The following KMT2D variants were observed in gnomAD, a reference collection of about 807,000 sequenced individuals.
The protein encoded by KMT2D is histone-lysine N-methyltransferase 2D.
Under a neutral mutation model 512.7 loss-of-function variants are expected in KMT2D, and 55 were observed. The ratio of observed to expected loss-of-function variants is 0.11; its 90% CI spans 0.09 to 0.13. KMT2D has a LOEUF of 0.13. Among genes scored for constraint, KMT2D ranks in the 10% least tolerant of loss-of-function variants. The pLI, the probability that KMT2D is intolerant of heterozygous loss-of-function variation, is 1.00. For synonymous variants in KMT2D, 2,995 were observed against 2,904.0 expected (o/e 1.03, Z -1.01); for missense variants, 6,061 against 7,127.9 (o/e 0.85, Z 5.39).
At position 49,026,208 on chromosome 12, in the gene KMT2D, A is replaced by G. The variant is rs1382079160; in HGVS notation, c.15758T>C (p.Leu5253Pro). The G allele has an allele frequency of 6.3e-7, 1 of 1,591,902 alleles. No homozygotes were observed. Among genetic ancestry groups the G allele is most frequent in the Non-Finnish European group, 8.6e-7 (1 of 1,163,390 alleles). Reference protein sequence around the residue: ...IKVIEQGLEDLVFTDASPQAV... With the variant: ...IKVIEQGLEDPVFTDASPQAV... ...CTGGGGAGAGGCGTCAGTGAAGACC[A>G]GGTCCTCCAGGCCCTGCTCGATGAC... The change falls in exon 49 of 55, where the codon CTG becomes CCG. Residue 5253 changes from leucine to proline, a missense_variant. Physicochemically the swap from Leu to Pro is moderately conservative, Grantham distance 98. This residue lies in a region of KMT2D where 261 missense variants were observed against 440.7 expected (regional missense o/e 0.59). Transcript: ENST00000301067. This position sits in a 1 kb window ranked among gnomAD's most constrained non-coding sequence, Gnocchi z 9.6.
rs2120649165 is a variant in KMT2D at position 49,050,344 on chromosome 12, C to T, written c.3244G>A (p.Glu1082Lys). Residue 1082 changes from glutamate to lysine, a missense_variant, in exon 12 of 55, where the codon GAA becomes AAA. Glu to Lys is a moderately conservative substitution (Grantham distance 56). Coordinates refer to ENST00000301067, the MANE Select transcript of KMT2D (RefSeq NM_003482.4). ...GCACTGGGTTCCAAGGCTGGGCATT[C>T]AGGTTCTGAAACTTTCTCAGTCTCC... Reference protein sequence around the residue: ...EMETEKVSEPECPALEPSATS... With the variant: ...EMETEKVSEPKCPALEPSATS... 1 of 1,611,426 alleles carries T rather than the reference C, an allele frequency of 6.2e-7. No homozygotes were observed. Among genetic ancestry groups the T allele is most frequent in the South Asian group, 1.1e-5 (1 of 90,606 alleles).
Position 49,022,653 on chromosome 12 carries a change from C to T in KMT2D, c.16275G>A (p.Glu5425=), listed in dbSNP as rs752476063. 6.2e-6 allele frequency: 10 copies of T among 1,613,902 alleles called. No individual in the cohort carries two copies. The highest frequency in any genetic ancestry group is 1.7e-5 in the Admixed American group (1 of 60,006). ...KDLEKHTMVI[E]YIGTIIRNEV... ...CGTTCCGAATGATGGTGCCAATGTA[C>T]TCGATAACCATTGTGTGCTTTTCTA... Residue 5425 remains glutamate (E), a synonymous_variant, in exon 52 of 55, where the codon GAG becomes GAA. Coordinates refer to ENST00000301067, the MANE Select transcript of KMT2D (RefSeq NM_003482.4). This position sits in a 1 kb window ranked among gnomAD's most constrained non-coding sequence, Gnocchi z 8.6.
Position 49,060,040 on chromosome 12 carries a change from C to T in KMT2D, c.-465G>A, listed in dbSNP as rs1938648089. On this transcript the variant is annotated 5_prime_UTR_variant, in exon 1 of 55. Coordinates refer to ENST00000301067, the MANE Select transcript of KMT2D (RefSeq NM_003482.4). ...GAACGTCGAGGCGCCTCCCCAGCAG[C>T]CCGGAAGGAATGCCGCGCCGCCCCG... is the stretch of plus-strand genomic sequence containing the variant. Among the ~76,000 whole-genome samples, 1 of 151,724 alleles carries T rather than the reference C, an allele frequency of 6.6e-6. No homozygotes were observed. The highest frequency in any genetic ancestry group is 1.5e-5 in the Non-Finnish European group (1 of 67,808).
Position 49,038,385 on chromosome 12 carries a change from G to C in KMT2D, c.8971C>G (p.Pro2991Ala), listed in dbSNP as rs754421145. The C allele has an allele frequency of 6.2e-7, 1 of 1,613,926 alleles. No individual in the cohort carries two copies. The highest frequency in any genetic ancestry group is 8.5e-7 in the Non-Finnish European group (1 of 1,179,888). The change falls in exon 35 of 55, where the codon CCC (proline) becomes GCC (alanine). Residue 2991 changes from proline to alanine, a missense_variant. Physicochemically the swap from Pro to Ala is conservative, Grantham distance 27. Transcript: ENST00000301067. The surrounding 1 kb of genome is among the most constrained non-coding windows in gnomAD (Gnocchi z 5.7). ...GCATCAAAATCGTCATCCAGCTCGG[G>C]ATCCTCACAGGGCAACTTCCCAGCT... ...LEAGKLPCED[P>A]ELDDDFDAHK...
chr12:49,037,686 C>A lies in KMT2D; in HGVS notation c.9670G>T (p.Gly3224Cys). 6.3e-7 allele frequency: 1 copy of A among 1,585,004 alleles called. No homozygotes were observed. The highest frequency in any genetic ancestry group is 8.6e-7 in the Non-Finnish European group (1 of 1,165,530). The change falls in exon 35 of 55, where the codon GGT becomes TGT. Residue 3224 changes from glycine to cysteine, a missense_variant. Physicochemically the swap from Gly to Cys is radical, Grantham distance 159. Coordinates refer to ENST00000301067, the MANE Select transcript of KMT2D (RefSeq NM_003482.4). ...TCATCCCCAGATGCTGCAGGTCCAC[C>A]AGGCAAGGTCAAAGCCCCACTCTCG... ...ELESGALTLP[G>C]GPAASGDELD...
Position 49,032,089 on chromosome 12 carries a change from C to T in KMT2D, c.12616G>A (p.Ala4206Thr), listed in dbSNP as rs759308837. 6.2e-7 allele frequency: 1 copy of T among 1,613,778 alleles called. No homozygotes were observed. The highest frequency in any genetic ancestry group is 1.3e-5 in the African/African-American group (1 of 75,028). Residue 4206 changes from alanine to threonine, a missense_variant, in exon 40 of 55, where the codon GCC becomes ACC. Transcript: ENST00000301067. ...QLRAQLQGVL[A>T]KNPQLRHLSP... ...AAGTGCCGCAGCTGTGGGTTTTTGG[C>T]CAGGACTCCTTGGAGCTGTGCTCGA...
chr12:49,030,525 C>G, intron 42 of KMT2D, 76 bp downstream of exon 42: 1 of 1,479,180 alleles, frequency 6.8e-7, no homozygotes, highest in Non-Finnish European at 9.1e-7. Context: ...GTCAGCAATT[C>G]CCTCAAGTTT....
chr12:49,039,125 GA>G lies in KMT2D; in HGVS notation c.8366+96del. The G allele has an allele frequency of 1.9e-6, 3 of 1,551,772 alleles. No homozygotes were observed. Among genetic ancestry groups the G allele is most frequent in the Non-Finnish European group, 2.7e-6 (3 of 1,130,222 alleles). ...TGAGGAAGAAGAGAAAGTGATACTGGAAAAGGATTAGTGATACAGGAAAATC... is the reference window on the plus strand; with the variant it reads ...TGAGGAAGAAGAGAAAGTGATACTGGAAAGGATTAGTGATACAGGAAAATC... On this transcript the variant is annotated intron_variant, in intron 34 of 54. Transcript: ENST00000301067. This position sits in a 1 kb window ranked among gnomAD's most constrained non-coding sequence, Gnocchi z 5.0.
chr12:49,038,579 A>G lies in KMT2D; in HGVS notation c.8777T>C (p.Val2926Ala), dbSNP rs1592131525. 6.2e-7 allele frequency: 1 copy of G among 1,612,336 alleles called. No homozygotes were observed. The highest frequency in any genetic ancestry group is 1.1e-5 in the South Asian group (1 of 91,068). The change falls in exon 35 of 55, where the codon GTA becomes GCA. Residue 2926 changes from valine to alanine, a missense_variant. By Grantham distance (64) the Val-to-Ala change is moderately conservative. Transcript: ENST00000301067. The surrounding 1 kb of genome is among the most constrained non-coding windows in gnomAD (Gnocchi z 5.7). ...GGGTTTCTGTGGGGGAAGACCTGAT[A>G]CCGCCAGGCCCCGAAGCCCTTCAGG... is the stretch of plus-strand genomic sequence containing the variant. ...LAPEGLRGLA[V>A]SGLPPQKPSA...
At chr12:49,029,688 T>G (rs1942804575) in intron 43 of KMT2D, among the ~76,000 whole-genome samples, 1 of 151,530 alleles carries the variant, frequency 6.6e-6, no homozygotes, top group Admixed American at 6.6e-5. Flanking sequence ...TTTTTTTTTT[T>G]TTTTTCCCGT....
Position 49,041,426 on chromosome 12 carries a change from C to T in KMT2D, c.6344G>A (p.Ser2115Asn), listed in dbSNP as rs2120546806. The T allele has an allele frequency of 6.2e-7, 1 of 1,610,638 alleles. No individual in the cohort carries two copies. Among genetic ancestry groups the T allele is most frequent in the East Asian group, 2.2e-5 (1 of 44,852 alleles). The change falls in exon 32 of 55, where the codon AGC (serine) becomes AAC (asparagine). Residue 2115 changes from serine (S) to asparagine (N), a missense_variant. Ser to Asn is a conservative substitution (Grantham distance 46, BLOSUM62 1). Around this residue, in one of 16 missense-constraint regions of KMT2D, gnomAD observed 710 missense variants for 647.3 expected, o/e 1.10. Transcript: ENST00000301067. The surrounding 1 kb of genome is among the most constrained non-coding windows in gnomAD (Gnocchi z 5.4). ...RIPPQPGALGSPPPAAAPTIF... is the reference protein window; with the variant it reads ...RIPPQPGALGNPPPAAAPTIF... ...GGTGGGGGCAGCAGCGGGGGGCGGG[C>T]TGCCCAGTGCCCCTGGCTGCGGGGG...
chr12:49,043,902 C>G lies in KMT2D; in HGVS notation c.5285G>C (p.Ser1762Thr), dbSNP rs777604931. 1.7e-5 allele frequency: 28 copies of G among 1,613,956 alleles called. No individual in the cohort carries two copies. The Admixed American group carries it at 4.2e-4, about 24-fold the overall frequency. ...AGCAGGGAACATGTCCTCCAGTTTGCTCTTCTTGCGCCCTCGCCGCTGTTG... is the reference window on the plus strand; with the variant it reads ...AGCAGGGAACATGTCCTCCAGTTTGGTCTTCTTGCGCCCTCGCCGCTGTTG... ...KKQQRRGRKK[S>T]KLEDMFPAYL... The change falls in exon 23 of 55, where the codon AGC (serine) becomes ACC (threonine). Residue 1762 changes from serine (S) to threonine (T), a missense_variant. Coordinates refer to ENST00000301067, the MANE Select transcript of KMT2D (RefSeq NM_003482.4).
At position 49,026,129 on chromosome 12, in the gene KMT2D, T is replaced by A. The variant is rs1942570852; in HGVS notation, c.15784+53A>T. On this transcript the variant is annotated intron_variant, in intron 49 of 54. Coordinates refer to ENST00000301067, the MANE Select transcript of KMT2D (RefSeq NM_003482.4). This position sits in a 1 kb window ranked among gnomAD's most constrained non-coding sequence, Gnocchi z 9.6. The stretch of plus-strand genomic sequence containing the variant: ...CTTATAGACATTGTAACAGTGACCC[T>A]GGGAGAAACTTTTCCCATTCCATAT... 1.3e-6 allele frequency: 2 copies of A among 1,492,028 alleles called. No homozygotes were observed. Among genetic ancestry groups the A allele is most frequent in the African/African-American group, 1.4e-5 (1 of 71,274 alleles). The allele number at this position is 1,492,028 out of a possible 1,614,324, so 92.4% of individuals were successfully genotyped here. A position where few individuals can be genotyped will look rare whatever the true frequency, so the allele number is the denominator to read the frequency against.
At position 49,052,315 on chromosome 12, in the gene KMT2D, T is replaced by A. The variant is rs532111595; in HGVS notation, c.1368A>T (p.Ser456=). 3.8e-6 allele frequency: 6 copies of A among 1,574,858 alleles called. No individual in the cohort carries two copies. The South Asian group carries it at 5.9e-5, about 16-fold the overall frequency. Residue 456 remains serine, a synonymous_variant, in exon 11 of 55, where the codon TCA becomes TCT. Coordinates refer to ENST00000301067, the MANE Select transcript of KMT2D (RefSeq NM_003482.4). ...ATGCCTCAGGTGGTGGGGACGTGGG[T>A]GATTCCTCAGGTGGTGGGGACAGGG... ...ESPLSPPPEE[S]PTSPPPEASR... is the part of the protein sequence containing the mutation.
intron 19 of KMT2D, 140 bp from the exon 20 acceptor site, chr12:49,045,105 G>A: frequency 2.7e-6 from 2 of 742,114 alleles, no homozygotes; most frequent in Admixed American, 5.1e-5. Flanking sequence ...AGGAGAACAG[G>A]CCACCAAGGG....
In KMT2D at chr12:49,024,982, A is replaced by G. The variant is rs2137712344; in HGVS notation, c.15785-36T>C. ...GGGAAGAGAGCAGTCCTCAGAGGCA[A>G]CTTCTGCTCACTGACCTCCAGTCCC... On this transcript the variant is annotated intron_variant, in intron 49 of 54. Coordinates refer to ENST00000301067, the MANE Select transcript of KMT2D (RefSeq NM_003482.4). The surrounding 1 kb of genome is among the most constrained non-coding windows in gnomAD (Gnocchi z 4.5). 6.4e-7 allele frequency: 1 copy of G among 1,564,818 alleles called. No individual in the cohort carries two copies.
rs2120645066 is a variant in KMT2D, at chr12:49,050,059, C to T, written c.3529G>A (p.Gly1177Arg). Reference protein sequence around the residue: ...EVYPECKQTAGQGSPCEEQEE... With the variant: ...EVYPECKQTARQGSPCEEQEE... The stretch of plus-strand genomic sequence containing the variant: ...TGTTCTTCACATGGTGAGCCCTGCC[C>T]TGCTGTCTGCTTGCATTCGGGGTAG... The change falls in exon 12 of 55, where the codon GGG (glycine) becomes AGG (arginine). Residue 1177 changes from glycine to arginine, a missense_variant. By Grantham distance (125) the Gly-to-Arg change is moderately radical. Around this residue, in one of 16 missense-constraint regions of KMT2D, gnomAD observed 447 missense variants for 500.1 expected, o/e 0.89. Transcript: ENST00000301067. The T allele has an allele frequency of 1.9e-6, 3 of 1,613,900 alleles. No homozygotes were observed. The highest frequency in any genetic ancestry group is 2.5e-6 in the Non-Finnish European group (3 of 1,179,898).
At chr12:49,056,006 C>T (rs1419566476) in intron 1 of KMT2D, among the ~76,000 whole-genome samples, 1 of 152,222 alleles carries the variant, frequency 6.6e-6, no homozygotes, top group Non-Finnish European at 1.5e-5. Context: ...CAGACCAACC[C>T]CCGGCCCATG....
intron 36 of KMT2D, 46 bp downstream of exon 36, chr12:49,034,766 G>A (rs201800665): frequency 6.2e-7 from 1 of 1,607,908 alleles, no homozygotes; most frequent in Non-Finnish European, 8.5e-7. Flanking sequence ...GAAGGGGTGT[G>A]ACTGGGAAAG....
Sources: allele counts gnomAD v4.1 joint callset (sites outside exome capture counted in the v4.1 genomes callset), GRCh38; gene constraint gnomAD v4.1.1; regional missense constraint gnomAD v4.1.1; non-coding constraint Gnocchi (gnomAD v3.1); transcripts MANE v1.5; gene names NCBI Gene and HGNC (gene_info 2026-07-23, HGNC 2026-07-21).